The following RAPH1 variants were observed in gnomAD, a reference collection of about 807,000 sequenced individuals.
RAPH1 encodes the protein ras-associated and pleckstrin homology domains-containing protein 1.
In RAPH1, 18 loss-of-function variants were observed where a neutral mutation model predicts 88.1. The observed-to-expected ratio is 0.20, with a 90% CI of 0.14 to 0.30. The LOEUF (loss-of-function observed/expected upper bound fraction) is 0.30, where lower values mean the gene tolerates loss of function less well. RAPH1 is among the 10% of genes least tolerant of loss of function. The probability of loss-of-function intolerance (pLI) is 1.00; values close to 1 mark genes in which losing one functional copy is unlikely to be tolerated. For synonymous variants in RAPH1, 587 were observed against 559.0 expected (o/e 1.05, Z -0.71); for missense variants, 1,448 against 1,543.2 (o/e 0.94, Z 1.03).
Position 203,489,854 on chromosome 2 carries a change from G to T in RAPH1, c.462C>A (p.Asp154Glu). 3 of 1,614,218 alleles carry T rather than the reference G, an allele frequency of 1.9e-6. No individual in the cohort carries two copies. The highest frequency in any genetic ancestry group is 2.2e-5 in the South Asian group (2 of 91,084). The part of the protein sequence containing the change: ...AKPSHASYSL[D>E]DVTAQLEQAS... Reference sequence around the variant, plus strand: ...CCTGTTCTAACTGTGCAGTGACGTCGTCCAAGGAGTAGCTGGCATGGGAAG... The same window carrying T: ...CCTGTTCTAACTGTGCAGTGACGTCTTCCAAGGAGTAGCTGGCATGGGAAG... The change falls in exon 4 of 14, where the codon GAC becomes GAA. Residue 154 changes from aspartate (D) to glutamate (E), a missense_variant. Around this residue, in one of 2 missense-constraint regions of RAPH1, gnomAD observed 513 missense variants for 653.1 expected, o/e 0.79. Transcript: ENST00000319170.
intron 4 of RAPH1, among the ~76,000 whole-genome samples, chr2:203,462,680 G>T (rs1277397238): frequency 6.6e-6 from 1 of 152,062 alleles, no homozygotes; most frequent in African/African-American, 2.4e-5. Flanking sequence ...AGATTAAAAA[G>T]AGTAATAAAA....
At chr2:203,512,372 C>T (rs1215041687) in intron 1 of RAPH1, among the ~76,000 whole-genome samples, 1 of 137,228 alleles carries the variant, frequency 7.3e-6, no homozygotes, top group Non-Finnish European at 1.6e-5. Context: ...AAAAAAAAAA[C>T]CCAAAAAACA....
chr2:203,494,144 G>C (rs1015902555), intron 2 of RAPH1, among the ~76,000 whole-genome samples: 1 of 152,088 alleles, frequency 6.6e-6, no homozygotes, highest in African/African-American at 2.4e-5. Flanking sequence ...TAAGCTGCTA[G>C]TAATTTAAGC....
intron 4 of RAPH1, among the ~76,000 whole-genome samples, chr2:203,488,341 A>C (rs1260845585): frequency 6.6e-6 from 1 of 151,852 alleles, no homozygotes; most frequent in Non-Finnish European, 1.5e-5. Flanking sequence ...TCACACCTGT[A>C]ACCCCAGCAC....
chr2:203,491,430 C>A, intron 2 of RAPH1, 111 bp from the exon 3 acceptor site: 1 of 627,966 alleles, frequency 1.6e-6, no homozygotes, highest in Non-Finnish European at 2.7e-6. Flanking sequence ...ATTAATTAAA[C>A]CAAAGTTCTC....
At chr2:203,453,789 T>C (rs749506765) in intron 10 of RAPH1, among the ~76,000 whole-genome samples, 55 of 152,150 alleles carry the variant, frequency 3.6e-4, no homozygotes, top group Non-Finnish European at 8.8e-5. Flanking sequence ...CCTAATTTTC[T>C]TGAATTTTTG....
intron 1 of RAPH1, among the ~76,000 whole-genome samples, chr2:203,531,700 T>C (rs1690397054): frequency 2.0e-5 from 3 of 152,106 alleles, no homozygotes; most frequent in Non-Finnish European, 4.4e-5. Context: ...CCCATTAGAA[T>C]AGCTATTATC....
In RAPH1 at chr2:203,440,610, C is replaced by T. The variant is rs114111739; in HGVS notation, c.2580G>A (p.Ser860=). Reference sequence around the variant, plus strand: ...ACTGGCTGGCTATCTGCTTCACGACCGAGGGCACCGGTGACAGTGGAGAGG... The same window carrying T: ...ACTGGCTGGCTATCTGCTTCACGACTGAGGGCACCGGTGACAGTGGAGAGG... ...PPPSPLSPVP[S]VVKQIASQFP... The change falls in exon 14 of 14, where the codon TCG becomes TCA. Residue 860 remains serine (S), a synonymous_variant. Coordinates refer to ENST00000319170, the MANE Select transcript of RAPH1 (RefSeq NM_213589.3). The T allele has an allele frequency of 6.7e-4, 1,029 of 1,543,648 alleles. 2 individuals are homozygous for T. Among genetic ancestry groups the T allele is most frequent in the African/African-American group, 2.5e-3 (173 of 69,160 alleles).
intron 2 of RAPH1, among the ~76,000 whole-genome samples, chr2:203,492,233 C>CA (rs547450219): frequency 0.61 from 81,440 of 133,376 alleles, 24,191 homozygotes; most frequent in Middle Eastern, 0.77. Context: ...GACTCAATCT[C>CA]AAAAAAAAAA....
intron 1 of RAPH1, among the ~76,000 whole-genome samples, chr2:203,532,001 A>G (rs1003512172): frequency 5.9e-5 from 9 of 152,380 alleles, no homozygotes; most frequent in African/African-American, 2.2e-4. Context: ...CCAAATATCC[A>G]TAAATGTGGT....
At chr2:203,468,757 A>G (rs1480636886) in intron 4 of RAPH1, among the ~76,000 whole-genome samples, 1 of 152,146 alleles carries the variant, frequency 6.6e-6, no homozygotes, top group Non-Finnish European at 1.5e-5. Context: ...TTCATCTGAG[A>G]GCTGTGTATA....
intron 1 of RAPH1, among the ~76,000 whole-genome samples, chr2:203,503,098 C>T (rs1376232425): frequency 6.6e-6 from 1 of 152,124 alleles, no homozygotes; most frequent in East Asian, 1.9e-4. Flanking sequence ...GAGCCAAGAT[C>T]CCGCCATTGC....
intron 1 of RAPH1, among the ~76,000 whole-genome samples, chr2:203,517,203 G>T (rs1162078418): frequency 6.6e-6 from 1 of 151,740 alleles, no homozygotes; most frequent in Non-Finnish European, 1.5e-5. Context: ...AAAGAAAGCA[G>T]GAGGAGCTAA....
chr2:203,454,512 T>C lies in RAPH1; in HGVS notation c.1331A>G (p.Gln444Arg), dbSNP rs1292606245. 6.2e-7 allele frequency: 1 copy of C among 1,613,614 alleles called. No individual in the cohort carries two copies. Among genetic ancestry groups the C allele is most frequent in the South Asian group, 1.1e-5 (1 of 90,940 alleles). ...KVSRDLVCFL[Q>R]LDHVNVYYGQ... ...ATAATAAACGTTGACATGATCCAGCTGGAGAAAGCACACCAGATCCCGAGA... is the reference window on the plus strand; with the variant it reads ...ATAATAAACGTTGACATGATCCAGCCGGAGAAAGCACACCAGATCCCGAGA... The change falls in exon 10 of 14, where the codon CAG becomes CGG. Residue 444 changes from glutamine to arginine, a missense_variant. Gln to Arg is a conservative substitution (Grantham distance 43). Transcript: ENST00000319170.
intron 1 of RAPH1, among the ~76,000 whole-genome samples, chr2:203,505,839 G>A (rs112345841): frequency 6.6e-5 from 10 of 152,160 alleles, no homozygotes; most frequent in South Asian, 4.2e-4. Context: ...ATACACACAC[G>A]CGCGCGCACG....
intron 10 of RAPH1, among the ~76,000 whole-genome samples, chr2:203,449,047 A>G (rs1310047378): frequency 6.6e-6 from 1 of 152,266 alleles, no homozygotes; most frequent in Non-Finnish European, 1.5e-5. Flanking sequence ...GAAATTTTAG[A>G]TCAAGATATC....
intron 1 of RAPH1, among the ~76,000 whole-genome samples, chr2:203,510,282 G>A (rs1170290564): frequency 3.6e-5 from 5 of 138,642 alleles, no homozygotes; most frequent in Admixed American, 2.4e-4. Flanking sequence ...GTTGCAGTGA[G>A]CTGAGATCAT....
chr2:203,533,096 C>G (rs1440048385), intron 1 of RAPH1, among the ~76,000 whole-genome samples: 1 of 152,118 alleles, frequency 6.6e-6, no homozygotes, highest in Non-Finnish European at 1.5e-5. Flanking sequence ...GTTAAAAACA[C>G]CTCTTTGGAA....
At chr2:203,450,023 CAAAA>C (rs775580168) in intron 10 of RAPH1, among the ~76,000 whole-genome samples, 2 of 70,446 alleles carry the variant, frequency 2.8e-5, no homozygotes, top group Non-Finnish European at 5.9e-5. Flanking sequence ...ACTTCGTCTC[CAAAA>C]AAAAAAAAAA....
Sources: gnomAD v4.1 joint callset for allele counts (sites outside exome capture counted in the v4.1 genomes callset) on GRCh38, gnomAD v4.1.1 for gene constraint, gnomAD v4.1.1 regional missense constraint, MANE v1.5 for transcripts, NCBI Gene and HGNC (gene_info 2026-07-23, HGNC 2026-07-21) for gene names.